SMYD3: variants seen among roughly 807,000 people sequenced by gnomAD.
The protein encoded by SMYD3 is histone-lysine N-methyltransferase SMYD3.
In SMYD3, 36 loss-of-function variants were observed where a neutral mutation model predicts 57.7. That is an observed-to-expected ratio of 0.62 (90% CI 0.48 to 0.82). The LOEUF is 0.82. SMYD3 is among the 40% of genes least tolerant of loss of function. The pLI, the probability that SMYD3 is intolerant of heterozygous loss-of-function variation, is 0.00. For missense variants in SMYD3, 515 were observed against 538.8 expected, an observed-to-expected ratio of 0.96 and a Z score of 0.44; for synonymous variants, 211 against 195.0, an observed-to-expected ratio of 1.08 and a Z score of -0.68.
chr1:246,140,746 G>C (rs1224543302), intron 5 of SMYD3, among the ~76,000 whole-genome samples: 1 of 152,042 alleles, frequency 6.6e-6, no homozygotes, highest in Non-Finnish European at 1.5e-5. Context: ...CCAAGTAGTA[G>C]GGACTATAAG....
intron 5 of SMYD3, among the ~76,000 whole-genome samples, chr1:245,960,685 C>T (rs1200470196): frequency 2.6e-5 from 4 of 152,036 alleles, no homozygotes; most frequent in Non-Finnish European, 5.9e-5. Flanking sequence ...TGAGACCATG[C>T]CACTGCACTC....
intron 5 of SMYD3, among the ~76,000 whole-genome samples, chr1:246,276,362 C>G (rs80053972): frequency 3.0e-5 from 3 of 99,960 alleles, no homozygotes; most frequent in African/African-American, 6.9e-5. Flanking sequence ...TTTTTCACTA[C>G]CCGTATTAAC....
At chr1:245,928,877 T>C (rs969545521) in intron 6 of SMYD3, among the ~76,000 whole-genome samples, 20 of 152,342 alleles carry the variant, frequency 1.3e-4, no homozygotes, top group Non-Finnish European at 2.6e-4. Context: ...TCCTGGGCCA[T>C]GGTCCAGTCA....
At chr1:246,132,598 C>T (rs888331996) in intron 5 of SMYD3, among the ~76,000 whole-genome samples, 1 of 152,004 alleles carries the variant, frequency 6.6e-6, no homozygotes, top group African/African-American at 2.4e-5. Flanking sequence ...AGGTATGATA[C>T]AAAACACAGG....
At position 246,489,569 on chromosome 1, in the gene SMYD3, C is replaced by T. The variant is rs185032124; in HGVS notation, c.164+17485G>A. On this transcript the variant is annotated intron_variant, in intron 1 of 11. Transcript: ENST00000490107. ...AAAGGAAATTTGCTCTATTCGACAG[C>T]GATTTCAAAGTATTCTAAATAAAGA... Among the ~76,000 whole-genome samples the T allele has an allele frequency of 3.4e-4, 51 of 152,038 alleles. 1 individual carries two copies. In the East Asian group the frequency reaches 6.4e-3, roughly 19 times the overall value.
At chr1:246,449,788 G>A (rs1223583304) in intron 1 of SMYD3, among the ~76,000 whole-genome samples, 5 of 152,168 alleles carry the variant, frequency 3.3e-5, no homozygotes, top group Admixed American at 6.5e-5. Context: ...ACTGGGCTAT[G>A]TTCTTCAGCT....
chr1:246,488,859 T>C (rs1458557510), intron 1 of SMYD3, among the ~76,000 whole-genome samples: 2 of 152,128 alleles, frequency 1.3e-5, no homozygotes, highest in Non-Finnish European at 2.9e-5. Flanking sequence ...ATCCTGTAGG[T>C]AAACAGGTAT....
intron 5 of SMYD3, among the ~76,000 whole-genome samples, chr1:246,256,466 G>A (rs1285743048): frequency 6.6e-6 from 1 of 152,156 alleles, no homozygotes; most frequent in Non-Finnish European, 1.5e-5. Flanking sequence ...TAGTTTGTGT[G>A]CATAGAGGTG....
intron 5 of SMYD3, among the ~76,000 whole-genome samples, chr1:246,138,745 A>T (rs1439034220): frequency 6.6e-6 from 1 of 152,076 alleles, no homozygotes; most frequent in African/African-American, 2.4e-5. Flanking sequence ...TTTTAAAAAA[A>T]GTTTAAATAC....
chr1:245,775,715 T>TAA (rs749327071), intron 10 of SMYD3, among the ~76,000 whole-genome samples: 3 of 109,960 alleles, frequency 2.7e-5, no homozygotes, highest in Non-Finnish European at 5.6e-5. Flanking sequence ...CAATAAATAC[T>TAA]AAAAAAAAAA....
At chr1:245,812,741 G>A (rs1041343404) in intron 10 of SMYD3, among the ~76,000 whole-genome samples, 2 of 140,708 alleles carry the variant, frequency 1.4e-5, no homozygotes, top group Non-Finnish European at 3.0e-5. Flanking sequence ...GAGAGAGACA[G>A]AGAAACTCAC....
chr1:246,414,346 T>C (rs1233272826), intron 1 of SMYD3, among the ~76,000 whole-genome samples: 1 of 152,174 alleles, frequency 6.6e-6, no homozygotes, highest in African/African-American at 2.4e-5. Context: ...AAGGAAAAAC[T>C]AAGAACATTA....
At chr1:246,178,216 C>A (rs1033588908) in intron 5 of SMYD3, among the ~76,000 whole-genome samples, 9 of 152,120 alleles carry the variant, frequency 5.9e-5, no homozygotes, top group African/African-American at 2.2e-4. Flanking sequence ...CCTGAATGAA[C>A]AATGCCAGGG....
chr1:246,392,679 C>A (rs116491324), intron 1 of SMYD3, among the ~76,000 whole-genome samples: 3,347 of 151,834 alleles, frequency 0.022, 126 homozygotes, highest in African/African-American at 0.076. Context: ...AACTCCAGGC[C>A]TCAAGTCATC....
intron 5 of SMYD3, among the ~76,000 whole-genome samples, chr1:246,255,825 G>C (rs1558353750): frequency 6.7e-6 from 1 of 149,020 alleles, no homozygotes; most frequent in Non-Finnish European, 1.5e-5. Flanking sequence ...TTCAATGTCA[G>C]AACTCAATAC....
At chr1:246,467,395 C>T (rs900617758) in intron 1 of SMYD3, among the ~76,000 whole-genome samples, 1 of 151,558 alleles carries the variant, frequency 6.6e-6, no homozygotes, top group Non-Finnish European at 1.5e-5. Context: ...GCTAGAAAAA[C>T]AATACAAAAG....
chr1:246,468,118 A>G (rs1292934841), intron 1 of SMYD3, among the ~76,000 whole-genome samples: 1 of 149,504 alleles, frequency 6.7e-6, no homozygotes, highest in Non-Finnish European at 1.5e-5. Context: ...CCATGATCTC[A>G]CCACTGCACT....
intron 5 of SMYD3, among the ~76,000 whole-genome samples, chr1:246,038,887 G>C (rs1299187478): frequency 6.6e-6 from 1 of 152,114 alleles, no homozygotes; most frequent in Non-Finnish European, 1.5e-5. Context: ...AGTAGAAACA[G>C]GGAAAGTAAA....
rs539877243 is a variant in SMYD3, at chr1:246,339,089, T to C, written c.229-3615A>G. ...AAACAAAGAGCTCGTTTTTACATAA[T>C]CCTAACAGCACTGAATTTTCTAGGT... On this transcript the variant is annotated intron_variant, in intron 2 of 11. Coordinates refer to ENST00000490107, the MANE Select transcript of SMYD3 (RefSeq NM_001167740.2). Among the ~76,000 whole-genome samples, 5 of 152,286 alleles carry C rather than the reference T, an allele frequency of 3.3e-5. No individual in the cohort carries two copies. In the South Asian group the frequency reaches 1.0e-3, roughly 32 times the overall value.
Sources: gnomAD v4.1 joint callset for allele counts (sites outside exome capture counted in the v4.1 genomes callset) on GRCh38, gnomAD v4.1.1 for gene constraint, MANE v1.5 for transcripts, NCBI Gene and HGNC (gene_info 2026-07-23, HGNC 2026-07-21) for gene names.